MYO9A: variants seen among roughly 807,000 people sequenced by gnomAD.
MYO9A encodes the protein myosin IXA, also known as unconventional myosin-IXa.
Under a neutral mutation model 293.3 loss-of-function variants are expected in MYO9A, and 103 were observed. The observed-to-expected ratio is 0.35, with a 90% confidence interval of 0.30 to 0.41. The LOEUF (loss-of-function observed/expected upper bound fraction) is 0.41, where lower values mean the gene tolerates loss of function less well. Among genes scored for constraint, MYO9A ranks in the 10% least tolerant of loss-of-function variants. The pLI, the probability that MYO9A is intolerant of heterozygous loss-of-function variation, is 1.00. For synonymous variants in MYO9A, 1,001 were observed against 1,035.7 expected (o/e 0.97, Z 0.64); for missense variants, 2,685 against 3,033.0 (o/e 0.89, Z 2.69).
chr15:72,032,986 G>A (rs2077923789), intron 2 of MYO9A, among the ~76,000 whole-genome samples: 2 of 152,094 alleles, frequency 1.3e-5, no homozygotes, highest in Non-Finnish European at 2.9e-5. Flanking sequence ...GAGTAGCTGG[G>A]ACTACAGGCC....
At chr15:71,858,956 T>C (rs1462327777) in intron 34 of MYO9A, among the ~76,000 whole-genome samples, 2 of 152,328 alleles carry the variant, frequency 1.3e-5, no homozygotes, top group Admixed American at 6.5e-5. Flanking sequence ...TCTCCTAAAG[T>C]ACAATTTGCC....
intron 1 of MYO9A, among the ~76,000 whole-genome samples, chr15:72,100,877 G>GCA (rs2080266641): frequency 7.3e-6 from 1 of 137,424 alleles, no homozygotes; most frequent in Admixed American, 7.1e-5. Flanking sequence ...GGTGGGGGGG[G>GCA]TCAGCCCCCC....
At chr15:71,897,156 C>G (rs1567240335) in intron 25 of MYO9A, 1 of 256,542 alleles carries the variant, frequency 3.9e-6, no homozygotes, top group Non-Finnish European at 7.4e-6. Context: ...AGCTGTAAAG[C>G]AACCAGTATT....
At chr15:72,106,483 G>A (rs1252107368) in intron 1 of MYO9A, among the ~76,000 whole-genome samples, 1 of 152,142 alleles carries the variant, frequency 6.6e-6, no homozygotes, top group East Asian at 1.9e-4. Context: ...CAGCCTGGGT[G>A]ACAGAGCAAG....
chr15:71,827,799 T>C (rs1460607470), intron 41 of MYO9A, 85 bp downstream of exon 41: 10 of 1,425,756 alleles, frequency 7.0e-6, no homozygotes, highest in Non-Finnish European at 9.5e-6. Flanking sequence ...CAGTAAATTC[T>C]TAAAAGACTT....
chr15:72,020,965 A>G lies in MYO9A; in HGVS notation c.1051T>C (p.Ser351Pro). The G allele has an allele frequency of 3.2e-6, 5 of 1,551,356 alleles. No individual in the cohort carries two copies. The highest frequency in any genetic ancestry group is 4.3e-6 in the Non-Finnish European group (5 of 1,157,946). Residue 351 changes from serine (S) to proline (P), a missense_variant, in exon 5 of 42, where the codon TCA becomes CCA. Coordinates refer to ENST00000356056, the MANE Select transcript of MYO9A (RefSeq NM_006901.4). ...LLAGASEDER[S>P]AFHLKQPEEY... is the part of the protein sequence containing the mutation. Reference sequence around the variant, plus strand: ...TCTGGTTGCTTAAGATGGAATGCTGATCTCTCATCTTCACTTGCTCCTGCC... The same window carrying G: ...TCTGGTTGCTTAAGATGGAATGCTGGTCTCTCATCTTCACTTGCTCCTGCC...
At chr15:71,973,253 C>T (rs2076058445) in intron 12 of MYO9A, among the ~76,000 whole-genome samples, 1 of 152,158 alleles carries the variant, frequency 6.6e-6, no homozygotes. Context: ...CCTTCAGACA[C>T]CAGCCAATAA....
intron 1 of MYO9A, among the ~76,000 whole-genome samples, chr15:72,108,203 G>A (rs765697973): frequency 1.9e-4 from 29 of 152,254 alleles, no homozygotes; most frequent in Non-Finnish European, 4.0e-4. Flanking sequence ...CTTTTAAAAT[G>A]GAGACATAAG....
intron 1 of MYO9A, among the ~76,000 whole-genome samples, chr15:72,093,655 GATGGGT>G (rs2079987937): frequency 4.4e-5 from 2 of 45,040 alleles, no homozygotes; most frequent in Admixed American, 3.6e-4. Flanking sequence ...GGGAGGCTGA[GATGGGT>G]GGATCACTTG....
chr15:71,873,872 A>G (rs1259721008), intron 32 of MYO9A, among the ~76,000 whole-genome samples: 1 of 152,214 alleles, frequency 6.6e-6, no homozygotes, highest in Non-Finnish European at 1.5e-5. Context: ...GTGCCTAAAC[A>G]TATCTGTTAG....
At position 71,825,602 on chromosome 15, in the gene MYO9A, A is replaced by G; in HGVS notation, c.*978T>C. ...TGGAAACTAACTAAACGGTCACATTATTTGTTTGTTTGTTTGAGTCTGAGT... is the reference window on the plus strand; with the variant it reads ...TGGAAACTAACTAAACGGTCACATTGTTTGTTTGTTTGTTTGAGTCTGAGT... On this transcript the variant is annotated 3_prime_UTR_variant, in exon 42 of 42. Transcript: ENST00000356056. 1 of 152,262 alleles carries G rather than the reference A, an allele frequency of 6.6e-6. No homozygotes were observed. The highest frequency in any genetic ancestry group is 2.1e-4 in the South Asian group (1 of 4,824). 9.4% of individuals were successfully genotyped at this position (152,262 alleles called of 1,614,324 possible).
At chr15:71,851,467 AGTT>A in intron 36 of MYO9A, 109 bp from the exon 37 acceptor site, 1 of 759,356 alleles carries the variant, frequency 1.3e-6, no homozygotes, top group Non-Finnish European at 2.1e-6. Flanking sequence ...TTTTAGGAGT[AGTT>A]GTACCTGTAG....
chr15:72,064,182 G>C (rs184815470), intron 1 of MYO9A, among the ~76,000 whole-genome samples: 4 of 152,136 alleles, frequency 2.6e-5, no homozygotes, highest in African/African-American at 9.7e-5. Flanking sequence ...GTAAAGGGGC[G>C]GAGGAAAGTG....
At chr15:72,055,566 T>C (rs1208893011) in intron 1 of MYO9A, among the ~76,000 whole-genome samples, 1 of 151,774 alleles carries the variant, frequency 6.6e-6, no homozygotes, top group Non-Finnish European at 1.5e-5. Flanking sequence ...AATGTGTATA[T>C]CCAATAAAGG....
chr15:72,001,815 C>T (rs1268724720), intron 8 of MYO9A, among the ~76,000 whole-genome samples: 3 of 151,870 alleles, frequency 2.0e-5, no homozygotes, highest in Non-Finnish European at 1.5e-5. Context: ...CAAAAATCAA[C>T]AATGAACTTT....
Position 71,898,953 on chromosome 15 carries a change from G to C in MYO9A, c.3550C>G (p.Leu1184Val). ...GAAGGGTCTGAACCCTGAATTTCCAGAGATCCATATCCCTTAATATTCACC... is the reference window on the plus strand; with the variant it reads ...GAAGGGTCTGAACCCTGAATTTCCACAGATCCATATCCCTTAATATTCACC... The part of the protein sequence containing the change: ...GLVNIKGYGS[L>V]EIQGSDPSGW... The change falls in exon 25 of 42, where the codon CTG becomes GTG. Residue 1184 changes from leucine to valine, a missense_variant. This residue lies in a region of MYO9A where 1,434 missense variants were observed against 1,497.7 expected (regional missense o/e 0.96). Coordinates refer to ENST00000356056, the MANE Select transcript of MYO9A (RefSeq NM_006901.4). 6.2e-7 allele frequency: 1 copy of C among 1,613,950 alleles called. No homozygotes were observed. Among genetic ancestry groups the C allele is most frequent in the Non-Finnish European group, 8.5e-7 (1 of 1,179,880 alleles).
chr15:72,016,990 T>C (rs978685274), intron 6 of MYO9A, among the ~76,000 whole-genome samples: 2 of 150,404 alleles, frequency 1.3e-5, no homozygotes, highest in Non-Finnish European at 3.0e-5. Context: ...TGTTAGGTCA[T>C]TCTGCTTCAG....
At chr15:72,087,915 G>A (rs1047598410) in intron 1 of MYO9A, among the ~76,000 whole-genome samples, 3 of 152,174 alleles carry the variant, frequency 2.0e-5, no homozygotes, top group Non-Finnish European at 4.4e-5. Context: ...TGCAATGTGA[G>A]TGTATTTGGA....
intron 39 of MYO9A, among the ~76,000 whole-genome samples, chr15:71,844,667 T>G (rs2055306728): frequency 6.6e-6 from 1 of 152,224 alleles, no homozygotes; most frequent in South Asian, 2.1e-4. Flanking sequence ...GAGCTTTGAT[T>G]TCTTCTGAAA....
Sources: allele counts gnomAD v4.1 joint callset (sites outside exome capture counted in the v4.1 genomes callset), GRCh38; gene constraint gnomAD v4.1.1; regional missense constraint gnomAD v4.1.1; transcripts MANE v1.5; gene names NCBI Gene and HGNC (gene_info 2026-07-23, HGNC 2026-07-21).